The following FEZ2 variants were observed in gnomAD, a reference collection of about 807,000 sequenced individuals.
FEZ2 encodes fasciculation and elongation protein zeta 2, also known as fasciculation and elongation protein zeta-2.
In FEZ2, 51 loss-of-function variants were observed where a neutral mutation model predicts 40.4. The ratio of observed to expected loss-of-function variants is 1.26; its 90% confidence interval spans 1.01 to 1.59. The LOEUF (loss-of-function observed/expected upper bound fraction) is 1.59, where lower values mean the gene tolerates loss of function less well. Among genes scored for constraint, FEZ2 ranks in the 40% most tolerant of loss-of-function variants. FEZ2 has a pLI of 0.00. For missense variants in FEZ2, 640 were observed against 438.3 expected (o/e 1.46, Z -4.11); for synonymous variants, 242 against 172.0 (o/e 1.41, Z -3.18).
chr2:36,594,895 C>G (rs569902107), intron 1 of FEZ2, among the ~76,000 whole-genome samples: 1 of 152,332 alleles, frequency 6.6e-6, no homozygotes, highest in East Asian at 1.9e-4. Context: ...AGCCAACTAA[C>G]AGTCTCCACC....
chr2:36,558,243 A>G, intron 6 of FEZ2, 195 bp downstream of exon 6: 1 of 379,288 alleles, frequency 2.6e-6, no homozygotes, highest in Admixed American at 4.4e-5. Flanking sequence ...AAAAAGTACA[A>G]ATCAACACTA....
chr2:36,557,362 A>G (rs1265920720), intron 6 of FEZ2: 1 of 152,212 alleles, frequency 6.6e-6, no homozygotes, highest in Non-Finnish European at 1.5e-5. Flanking sequence ...CCATATTTAA[A>G]TATAAAATTT....
rs142553032 is a variant in FEZ2, at chr2:36,580,343, T to C, written c.634+947A>G. Among the ~76,000 whole-genome samples, 503 of 152,294 alleles carry C rather than the reference T, an allele frequency of 3.3e-3. 4 individuals carry two copies. The highest frequency in any genetic ancestry group is 7.0e-3 in the African/African-American group (290 of 41,566). ...TGAAGCCATACAACCCAAAGGTCTTTAGGTAACTAAGCTTTGGACTGGGCA... is the reference window on the plus strand; with the variant it reads ...TGAAGCCATACAACCCAAAGGTCTTCAGGTAACTAAGCTTTGGACTGGGCA... On this transcript the variant is annotated intron_variant, in intron 4 of 7. Transcript: ENST00000405912.
At chr2:36,596,025 G>A (rs1012515186) in intron 1 of FEZ2, among the ~76,000 whole-genome samples, 1 of 152,198 alleles carries the variant, frequency 6.6e-6, no homozygotes, top group African/African-American at 2.4e-5. Flanking sequence ...TCCAGAATGT[G>A]TCCTGGGTTT....
chr2:36,555,057 CTT>C (rs1667919885), intron 7 of FEZ2, among the ~76,000 whole-genome samples: 1 of 152,188 alleles, frequency 6.6e-6, no homozygotes, highest in Admixed American at 6.5e-5. Flanking sequence ...ATCATCCAAA[CTT>C]TGCTCTTTTC....
intron 2 of FEZ2, among the ~76,000 whole-genome samples, chr2:36,587,492 G>A (rs991635110): frequency 5.3e-5 from 8 of 152,282 alleles, no homozygotes; most frequent in Middle Eastern, 3.4e-3. Context: ...ATGTGCCCAC[G>A]TAAGAATTTG....
At chr2:36,578,532 C>T (rs1668639961) in intron 5 of FEZ2, 65 bp downstream of exon 5, 1 of 1,527,722 alleles carries the variant, frequency 6.5e-7, no homozygotes, top group Non-Finnish European at 8.8e-7. Flanking sequence ...CCACCAGCCC[C>T]AAAGGCTGGG....
intron 2 of FEZ2, 32 bp from the exon 3 acceptor site, chr2:36,583,501 G>A (rs755202570): frequency 2.7e-6 from 3 of 1,117,788 alleles, no homozygotes; most frequent in Non-Finnish European, 2.7e-6. Context: ...ATTAAAAGCA[G>A]GACATCCTCA....
At chr2:36,585,066 T>G (rs934237259) in intron 2 of FEZ2, among the ~76,000 whole-genome samples, 1 of 151,704 alleles carries the variant, frequency 6.6e-6, no homozygotes, top group Non-Finnish European at 1.5e-5. Context: ...CTAAGAACAC[T>G]GTGTGGAAAA....
In FEZ2 at chr2:36,581,281, C is replaced by A; in HGVS notation, c.634+9G>T. ...CACAGAAATCATTGATTTCAGCAGG[C>A]TCCCTTACTCTCTTCATAACTGCCG... On this transcript the variant is annotated intron_variant, in intron 4 of 7. Transcript: ENST00000405912. 6.2e-7 allele frequency: 1 copy of A among 1,610,420 alleles called. No homozygotes were observed. Among genetic ancestry groups the A allele is most frequent in the Non-Finnish European group, 8.5e-7 (1 of 1,178,178 alleles).
At chr2:36,593,484 T>C (rs1221482954) in intron 1 of FEZ2, among the ~76,000 whole-genome samples, 3 of 152,078 alleles carry the variant, frequency 2.0e-5, no homozygotes, top group Admixed American at 2.0e-4. Flanking sequence ...TTCCCAAACC[T>C]CAATTCTTGA....
intron 1 of FEZ2, among the ~76,000 whole-genome samples, chr2:36,593,117 G>T (rs1363427926): frequency 1.3e-5 from 2 of 152,212 alleles, no homozygotes; most frequent in Admixed American, 6.5e-5. Context: ...TCATGCAGCT[G>T]ATAAAGACAT....
intron 4 of FEZ2, among the ~76,000 whole-genome samples, chr2:36,580,454 T>C (rs1280254086): frequency 6.6e-6 from 1 of 152,256 alleles, no homozygotes; most frequent in African/African-American, 2.4e-5. Flanking sequence ...ACCAGTCATA[T>C]GGCAATGATT....
chr2:36,565,902 A>G (rs1319402930), intron 5 of FEZ2, among the ~76,000 whole-genome samples: 1 of 152,084 alleles, frequency 6.6e-6, no homozygotes, highest in African/African-American at 2.4e-5. Context: ...CCCAGTTGTG[A>G]CAACAACAAA....
chr2:36,556,352 C>G (rs186917966), intron 6 of FEZ2: 2 of 157,812 alleles, frequency 1.3e-5, no homozygotes, highest in East Asian at 3.8e-4. Flanking sequence ...ACAAATTTAT[C>G]TTCTAAGTAA....
At chr2:36,553,557 C>CTT (rs1667877060) in intron 7 of FEZ2, among the ~76,000 whole-genome samples, 1 of 152,140 alleles carries the variant, frequency 6.6e-6, no homozygotes, top group African/African-American at 2.4e-5. Flanking sequence ...ACGGCAGCAG[C>CTT]CACGCGTACA....
chr2:36,557,179 CA>C (rs1180183165), intron 6 of FEZ2: 1 of 152,152 alleles, frequency 6.6e-6, no homozygotes, highest in Non-Finnish European at 1.5e-5. Context: ...CAAAAACCAG[CA>C]TCATTAAAAG....
rs532723871 is a variant in FEZ2 at position 36,553,023 on chromosome 2, G to A, written c.*140C>T. 12 of 662,574 alleles carry A rather than the reference G, an allele frequency of 1.8e-5. No homozygotes were observed. The highest frequency in any genetic ancestry group is 3.2e-5 in the Non-Finnish European group (12 of 373,142). The allele number at this position is 662,574 out of a possible 1,614,324, so 41.0% of individuals were successfully genotyped here. A position where few individuals can be genotyped will look rare whatever the true frequency, so the allele number is the denominator to read the frequency against. Reference sequence around the variant, plus strand: ...TTCTATAATATAAAGAATTAGTGTAGTCAAGATCTGTTAATACTGAATCAA... The same window carrying A: ...TTCTATAATATAAAGAATTAGTGTAATCAAGATCTGTTAATACTGAATCAA... On this transcript the variant is annotated 3_prime_UTR_variant, in exon 8 of 8. Coordinates refer to ENST00000405912, the MANE Select transcript of FEZ2 (RefSeq NM_005102.3).
At chr2:36,597,767 C>T (rs1669272358) in intron 1 of FEZ2, 110 bp downstream of exon 1, 3 of 846,556 alleles carry the variant, frequency 3.5e-6, no homozygotes, top group Non-Finnish European at 3.2e-6. Flanking sequence ...CGGGGACTCC[C>T]GCGTCCGGGC....
Sources: gnomAD v4.1 joint callset for allele counts (sites outside exome capture counted in the v4.1 genomes callset) on GRCh38, gnomAD v4.1.1 for gene constraint, MANE v1.5 for transcripts, NCBI Gene and HGNC (gene_info 2026-07-23, HGNC 2026-07-21) for gene names.